Variants in HS3ST5 observed in about 807,000 individuals in gnomAD.
HS3ST5 encodes heparan sulfate-glucosamine 3-sulfotransferase 5, also known as heparan sulfate glucosamine 3-O-sulfotransferase 5.
HS3ST5 carries 10 observed loss-of-function variants against 25.4 expected under a neutral mutation model. That is an observed-to-expected ratio of 0.39 (90% CI 0.24 to 0.67). HS3ST5 has a LOEUF of 0.67. Among genes scored for constraint, HS3ST5 ranks in the 30% least tolerant of loss-of-function variants. The pLI is 0.44. For missense variants in HS3ST5, 324 were observed against 420.7 expected (o/e 0.77, Z 2.01); for synonymous variants, 170 against 162.4 (o/e 1.05, Z -0.36).
At chr6:114,084,756 T>C (rs957605738) in intron 3 of HS3ST5, 87 of 778,154 alleles carry the variant, frequency 1.1e-4, no homozygotes, top group Admixed American at 2.2e-4. Context: ...AGGCCAGCAA[T>C]TGGAGTGGCT....
At chr6:114,336,778 A>G (rs1250251869) in intron 1 of HS3ST5, among the ~76,000 whole-genome samples, 1 of 152,168 alleles carries the variant, frequency 6.6e-6, no homozygotes, top group Non-Finnish European at 1.5e-5. Flanking sequence ...ATGTTGAGGC[A>G]TGTTCAGAAT....
At chr6:114,252,952 T>C (rs1218799441) in intron 1 of HS3ST5, among the ~76,000 whole-genome samples, 1 of 152,102 alleles carries the variant, frequency 6.6e-6, no homozygotes, top group African/African-American at 2.4e-5. Flanking sequence ...ATCCTAGCAC[T>C]TTGGGAATTG....
intron 1 of HS3ST5, among the ~76,000 whole-genome samples, chr6:114,306,026 G>A (rs942601777): frequency 3.9e-5 from 6 of 151,908 alleles, no homozygotes; most frequent in East Asian, 1.9e-4. Flanking sequence ...GTCCAAAGTC[G>A]CATTCCTGTA....
At chr6:114,235,704 T>G (rs1181835343) in intron 1 of HS3ST5, 4 of 152,180 alleles carry the variant, frequency 2.6e-5, no homozygotes, top group East Asian at 1.9e-4. Flanking sequence ...CACCACCAGC[T>G]TTGAGAAGGA....
chr6:114,301,340 G>C (rs1775065479), intron 1 of HS3ST5, among the ~76,000 whole-genome samples: 1 of 152,096 alleles, frequency 6.6e-6, no homozygotes, highest in Non-Finnish European at 1.5e-5. Flanking sequence ...ACACACTAGG[G>C]TCCCCTGGGA....
At chr6:114,198,928 C>A (rs1413518636) in intron 2 of HS3ST5, among the ~76,000 whole-genome samples, 2 of 151,980 alleles carry the variant, frequency 1.3e-5, no homozygotes, top group Non-Finnish European at 2.9e-5. Context: ...AGACTCAGTG[C>A]CCTCGAGCAG....
chr6:114,122,408 C>T (rs751749260), intron 3 of HS3ST5, among the ~76,000 whole-genome samples: 1 of 152,176 alleles, frequency 6.6e-6, no homozygotes, highest in African/African-American at 2.4e-5. Context: ...ACTCTACCCT[C>T]ATGGGGTGGG....
intron 4 of HS3ST5, among the ~76,000 whole-genome samples, chr6:114,062,392 A>G (rs1227512433): frequency 6.6e-6 from 1 of 152,196 alleles, no homozygotes; most frequent in Non-Finnish European, 1.5e-5. Context: ...AGATACATAG[A>G]TACATCATCA....
At chr6:114,285,842 T>G (rs1414600474) in intron 1 of HS3ST5, among the ~76,000 whole-genome samples, 2 of 151,976 alleles carry the variant, frequency 1.3e-5, no homozygotes, top group Non-Finnish European at 2.9e-5. Context: ...TTTAAAAAAA[T>G]TATAGTACAT....
intron 3 of HS3ST5, among the ~76,000 whole-genome samples, chr6:114,069,772 T>G (rs984689564): frequency 1.3e-5 from 2 of 152,086 alleles, no homozygotes; most frequent in East Asian, 1.9e-4. Context: ...TCCACCAGCC[T>G]TGGCCTCCCA....
At chr6:114,320,914 C>CTATATA (rs35362794) in intron 1 of HS3ST5, among the ~76,000 whole-genome samples, 5 of 135,718 alleles carry the variant, frequency 3.7e-5, no homozygotes, top group African/African-American at 1.4e-4. Context: ...CTCTCTCTCT[C>CTATATA]TATATATATA....
At chr6:114,080,973 A>C (rs1774423732) in intron 3 of HS3ST5, among the ~76,000 whole-genome samples, 1 of 152,182 alleles carries the variant, frequency 6.6e-6, no homozygotes, top group African/African-American at 2.4e-5. Context: ...ATAAAATGAG[A>C]GATGTGTGAC....
intron 1 of HS3ST5, among the ~76,000 whole-genome samples, chr6:114,296,253 TA>T (rs1430991764): frequency 6.6e-6 from 1 of 152,146 alleles, no homozygotes; most frequent in African/African-American, 2.4e-5. Context: ...TAAGCAGCAA[TA>T]TTTATAGAAT....
intron 3 of HS3ST5, among the ~76,000 whole-genome samples, chr6:114,146,033 T>A (rs1288053275): frequency 6.6e-6 from 1 of 152,200 alleles, no homozygotes; most frequent in Non-Finnish European, 1.5e-5. Flanking sequence ...CAAACTCTCA[T>A]AATTTTCAAT....
At chr6:114,274,996 C>T (rs1474137030) in intron 1 of HS3ST5, among the ~76,000 whole-genome samples, 1 of 151,578 alleles carries the variant, frequency 6.6e-6, no homozygotes, top group Non-Finnish European at 1.5e-5. Context: ...CCTGACTATA[C>T]AACTATGTAT....
intron 1 of HS3ST5, among the ~76,000 whole-genome samples, chr6:114,327,944 C>T (rs779658855): frequency 6.6e-6 from 1 of 152,122 alleles, no homozygotes; most frequent in Non-Finnish European, 1.5e-5. Context: ...TATTGAATGT[C>T]TACGTGATGC....
At chr6:114,117,856 A>T (rs946882541) in intron 3 of HS3ST5, among the ~76,000 whole-genome samples, 2 of 152,134 alleles carry the variant, frequency 1.3e-5, no homozygotes, top group Admixed American at 1.3e-4. Context: ...CTATCCAGAC[A>T]TCTACCTCTA....
chr6:114,184,720 T>C (rs956608465), intron 2 of HS3ST5, among the ~76,000 whole-genome samples: 3 of 152,204 alleles, frequency 2.0e-5, no homozygotes, highest in South Asian at 2.1e-4. Context: ...CCCTGCCAGG[T>C]AGAACCATGG....
chr6:114,198,535 T>C (rs1416193428), intron 2 of HS3ST5, among the ~76,000 whole-genome samples: 2 of 151,932 alleles, frequency 1.3e-5, no homozygotes, highest in African/African-American at 4.8e-5. Flanking sequence ...TGCAGAAAAA[T>C]AGGGAATAGG....
Sources: allele counts gnomAD v4.1 joint callset (sites outside exome capture counted in the v4.1 genomes callset), GRCh38; gene constraint gnomAD v4.1.1; transcripts MANE v1.5; gene names NCBI Gene and HGNC (gene_info 2026-07-23, HGNC 2026-07-21).